ARID1B: variants seen among roughly 807,000 people sequenced by gnomAD.
ARID1B encodes AT-rich interaction domain 1B, also known as AT-rich interactive domain-containing protein 1B.
In ARID1B, 30 loss-of-function variants were observed where a neutral mutation model predicts 212.3. The observed-to-expected ratio is 0.14, with a 90% CI of 0.11 to 0.19. ARID1B has a LOEUF of 0.19. ARID1B is among the 10% of genes least tolerant of loss of function. ARID1B has a pLI of 1.00. For synonymous variants in ARID1B, 1,402 were observed against 1,301.7 expected, an observed-to-expected ratio of 1.08 and a Z score of -1.66; for missense variants, 2,891 against 3,204.0, an observed-to-expected ratio of 0.90 and a Z score of 2.36.
intron 7 of ARID1B, among the ~76,000 whole-genome samples, chr6:157,147,182 A>G (rs961692249): frequency 4.9e-5 from 7 of 143,518 alleles, no homozygotes; most frequent in African/African-American, 1.8e-4. Context: ...AGGGAAAACA[A>G]CTGCCATCCC....
intron 1 of ARID1B, among the ~76,000 whole-genome samples, chr6:156,812,976 G>GTGTGTGTGTGTGTGTGTGTA (rs554173642): frequency 9.6e-6 from 1 of 104,350 alleles, no homozygotes; most frequent in African/African-American, 3.2e-5. Flanking sequence ...GTGTGTGTGT[G>GTGTGTGTGTGTGTGTGTGTA]TATGTATATA....
chr6:156,836,686 A>G (rs908395236), intron 2 of ARID1B, among the ~76,000 whole-genome samples: 1 of 152,130 alleles, frequency 6.6e-6, no homozygotes, highest in East Asian at 1.9e-4. Flanking sequence ...TTTGTTTGAC[A>G]TGGGGTCCTG....
At chr6:156,987,573 G>A (rs370919916) in intron 4 of ARID1B, among the ~76,000 whole-genome samples, 1 of 152,108 alleles carries the variant, frequency 6.6e-6, no homozygotes, top group African/African-American at 2.4e-5. Flanking sequence ...CTTGTGATCC[G>A]CCCGCCTCGG....
chr6:156,951,366 A>G (rs978443969), intron 4 of ARID1B, among the ~76,000 whole-genome samples: 1 of 152,226 alleles, frequency 6.6e-6, no homozygotes, highest in South Asian at 2.1e-4. Flanking sequence ...ATTTAAGGCT[A>G]CATTCCTGAC....
intron 13 of ARID1B, 77 bp downstream of exon 13, chr6:157,184,512 A>C (rs2128326647): frequency 1.9e-6 from 3 of 1,543,970 alleles, no homozygotes; most frequent in East Asian, 2.3e-5. Context: ...AGGTGGTTTC[A>C]CAGTCAGGCC....
intron 1 of ARID1B, among the ~76,000 whole-genome samples, chr6:156,796,188 A>C (rs4869893): frequency 0.24 from 36,851 of 152,118 alleles, 4,638 homozygotes; most frequent in Non-Finnish European, 0.28. Flanking sequence ...CCTATTTCAT[A>C]ATATTTCATC....
chr6:156,795,115 A>AGTCAGCAGCCGTGAC (rs1562390712), intron 1 of ARID1B, among the ~76,000 whole-genome samples: 6 of 151,708 alleles, frequency 4.0e-5, no homozygotes, highest in Admixed American at 2.6e-4. Flanking sequence ...GTGGCCGTGA[A>AGTCAGCAGCCGTGAC]CTAGTCAGCA....
At chr6:157,028,421 A>G (rs765109844) in intron 4 of ARID1B, among the ~76,000 whole-genome samples, 4 of 152,252 alleles carry the variant, frequency 2.6e-5, no homozygotes, top group Non-Finnish European at 5.9e-5. Flanking sequence ...TTCTAATTTA[A>G]TAAGATACAG....
intron 6 of ARID1B, among the ~76,000 whole-genome samples, chr6:157,127,583 A>G (rs1367623766): frequency 6.6e-6 from 1 of 151,664 alleles, no homozygotes; most frequent in Non-Finnish European, 1.5e-5. Context: ...CATCCTGGCT[A>G]ATATGGTGAA....
intron 5 of ARID1B, among the ~76,000 whole-genome samples, chr6:157,088,858 G>A (rs893210563): frequency 6.6e-6 from 1 of 152,184 alleles, no homozygotes; most frequent in African/African-American, 2.4e-5. Context: ...TACATGCCAT[G>A]TAGAGACGAC....
chr6:157,144,495 A>G (rs1482098418), intron 7 of ARID1B, among the ~76,000 whole-genome samples: 3 of 152,222 alleles, frequency 2.0e-5, no homozygotes, highest in Non-Finnish European at 4.4e-5. Context: ...GTGCATTCAA[A>G]CTATGAATGA....
rs1356022127 is a variant in ARID1B, at chr6:156,901,381, A to T, written c.1992A>T (p.Pro664=). 1 of 1,614,140 alleles carries T rather than the reference A, an allele frequency of 6.2e-7. No homozygotes were observed. The highest frequency in any genetic ancestry group is 8.5e-7 in the Non-Finnish European group (1 of 1,180,034). The change falls in exon 3 of 20, where the codon CCA becomes CCT. Residue 664 remains proline (P), a synonymous_variant. Transcript: ENST00000636930. ...AGMQYPQQQM[P]PQYGQQGVSG... ...TTTGCTTGACTTTTTGACAGATGCCACCTCAGTATGGACAGCAAGGTGTGA... is the reference window on the plus strand; with the variant it reads ...TTTGCTTGACTTTTTGACAGATGCCTCCTCAGTATGGACAGCAAGGTGTGA...
intron 3 of ARID1B, among the ~76,000 whole-genome samples, chr6:156,925,831 G>A (rs938157922): frequency 1.3e-5 from 2 of 152,126 alleles, no homozygotes; most frequent in Non-Finnish European, 2.9e-5. Flanking sequence ...ACTCATCATG[G>A]CACATGCAAG....
chr6:157,065,673 T>A (rs1158359287), intron 4 of ARID1B, among the ~76,000 whole-genome samples: 1 of 152,252 alleles, frequency 6.6e-6, no homozygotes, highest in Non-Finnish European at 1.5e-5. Flanking sequence ...CTTGCTTTTC[T>A]GAGAGCAGGT....
chr6:157,206,818 A>G lies in ARID1B; in HGVS notation c.6046A>G (p.Asn2016Asp). The stretch of plus-strand genomic sequence containing the variant: ...GCCAGGGGCATTGCCTGAAGACGCA[A>G]ACCCTGGGCCCCAGACCGAAAGCAG... ...ARPGALPEDA[N>D]PGPQTESSKF... The change falls in exon 20 of 20, where the codon AAC (asparagine) becomes GAC (aspartate). Residue 2016 changes from asparagine to aspartate, a missense_variant. Coordinates refer to ENST00000636930, the MANE Select transcript of ARID1B (RefSeq NM_001374828.1). This position sits in a 1 kb window ranked among gnomAD's most constrained non-coding sequence, Gnocchi z 6.8. 5 of 1,614,092 alleles carry G rather than the reference A, an allele frequency of 3.1e-6. No individual in the cohort carries two copies. The highest frequency in any genetic ancestry group is 4.2e-6 in the Non-Finnish European group (5 of 1,180,032).
At chr6:157,183,993 G>T (rs1476700538) in intron 12 of ARID1B, among the ~76,000 whole-genome samples, 1 of 152,184 alleles carries the variant, frequency 6.6e-6, no homozygotes, top group Admixed American at 6.5e-5. Context: ...TGAGGCGTTG[G>T]GAGATGTGGC....
At chr6:156,845,809 G>A (rs930614123) in intron 2 of ARID1B, among the ~76,000 whole-genome samples, 1 of 151,808 alleles carries the variant, frequency 6.6e-6, no homozygotes, top group Non-Finnish European at 1.5e-5. Context: ...TATTTCATTT[G>A]TTCTTACTAT....
intron 6 of ARID1B, among the ~76,000 whole-genome samples, chr6:157,122,570 G>A (rs1787806203): frequency 6.6e-6 from 1 of 152,232 alleles, no homozygotes. Context: ...AAACGCGCTT[G>A]CCCGGGTCGG....
At chr6:156,801,769 C>G (rs1282392835) in intron 1 of ARID1B, among the ~76,000 whole-genome samples, 1 of 151,954 alleles carries the variant, frequency 6.6e-6, no homozygotes, top group Non-Finnish European at 1.5e-5. Flanking sequence ...TTTATATCCA[C>G]TGAAAATAAA....
Sources: allele counts gnomAD v4.1 joint callset (sites outside exome capture counted in the v4.1 genomes callset), GRCh38; gene constraint gnomAD v4.1.1; non-coding constraint Gnocchi (gnomAD v3.1); transcripts MANE v1.5; gene names NCBI Gene and HGNC (gene_info 2026-07-23, HGNC 2026-07-21).